Variants in CELSR1 observed in about 807,000 individuals in gnomAD.
CELSR1 encodes the protein adhesion G protein-coupled receptor C1.
Under a neutral mutation model 249.1 loss-of-function variants are expected in CELSR1, and 110 were observed. The observed-to-expected ratio is 0.44, with a 90% CI of 0.38 to 0.52. The LOEUF (loss-of-function observed/expected upper bound fraction) is 0.52. Among genes scored for constraint, CELSR1 ranks in the 20% least tolerant of loss-of-function variants. CELSR1 has a pLI of 0.00. For synonymous variants in CELSR1, 2,113 were observed against 1,900.0 expected (o/e 1.11, Z -2.92); for missense variants, 4,109 against 4,296.4 (o/e 0.96, Z 1.22).
intron 18 of CELSR1, among the ~76,000 whole-genome samples, chr22:46,389,015 C>T (rs2079060090): frequency 6.6e-6 from 1 of 152,244 alleles, no homozygotes; most frequent in South Asian, 2.1e-4. Context: ...CACTTAGAAT[C>T]CCTTAGAAGC....
chr22:46,386,598 A>G lies in CELSR1; in HGVS notation c.6556-13T>C. On this transcript the variant is annotated splice_polypyrimidine_tract_variant and intron_variant, in intron 18 of 34. Coordinates refer to ENST00000674500, the MANE Select transcript of CELSR1 (RefSeq NM_001378328.1). ...AGTGGATGACGTCCTGGTCAGACAG[A>G]CAGCACTCAGTACTCAGCCTGCGGA... 2 of 1,578,600 alleles carry G rather than the reference A, an allele frequency of 1.3e-6. No homozygotes were observed. Among genetic ancestry groups the G allele is most frequent in the Non-Finnish European group, 1.7e-6 (2 of 1,169,650 alleles).
chr22:46,506,706 C>A lies in CELSR1; in HGVS notation c.3544+26921G>T, dbSNP rs992924632. The stretch of plus-strand genomic sequence containing the variant: ...GTGACGCACAGCCGCTGAGACAAGC[C>A]CAAATCGAGAGTTACGTTCTAATTT... On this transcript the variant is annotated intron_variant, in intron 1 of 34. Transcript: ENST00000674500. The surrounding 1 kb of genome is among the most constrained non-coding windows in gnomAD (Gnocchi z 4.1). 5.8e-4 allele frequency among the ~76,000 whole-genome samples: 88 copies of A among 152,284 alleles called. No individual in the cohort carries two copies. Among genetic ancestry groups the A allele is most frequent in the African/African-American group, 2.1e-3 (87 of 41,550 alleles).
At chr22:46,491,641 T>TC (rs2080368735) in intron 1 of CELSR1, among the ~76,000 whole-genome samples, 1 of 126,614 alleles carries the variant, frequency 7.9e-6, no homozygotes, top group East Asian at 2.2e-4. Context: ...CTCTCTCTTT[T>TC]TTTTTTTTTT....
chr22:46,375,675 C>G (rs1275802058), intron 24 of CELSR1, among the ~76,000 whole-genome samples: 1 of 151,816 alleles, frequency 6.6e-6, no homozygotes, highest in Non-Finnish European at 1.5e-5. Context: ...TCCCAAGTAG[C>G]TGGGATTACA....
At chr22:46,478,892 C>G (rs565312027) in intron 1 of CELSR1, among the ~76,000 whole-genome samples, 2 of 151,970 alleles carry the variant, frequency 1.3e-5, no homozygotes, top group Admixed American at 6.6e-5. Context: ...CGAGCCCAAC[C>G]CAGCCCTGCA....
Position 46,409,963 on chromosome 22 carries a change from G to C in CELSR1, c.4934-83C>G. The C allele has an allele frequency of 1.3e-6, 2 of 1,564,478 alleles. No homozygotes were observed. Among genetic ancestry groups the C allele is most frequent in the Non-Finnish European group, 1.7e-6 (2 of 1,151,978 alleles). On this transcript the variant is annotated intron_variant, in intron 7 of 34. Transcript: ENST00000674500. The surrounding 1 kb of genome is among the most constrained non-coding windows in gnomAD (Gnocchi z 9.8). ...GCGCCAGACGTGGCGTGGGAAACCA[G>C]GACGGAATGGACCCGGGGCTGGACA...
At chr22:46,495,021 G>A (rs184638019) in intron 1 of CELSR1, among the ~76,000 whole-genome samples, 33 of 152,340 alleles carry the variant, frequency 2.2e-4, no homozygotes, top group Middle Eastern at 3.4e-3. Flanking sequence ...TGACTTCATC[G>A]TTGGGTGAAC....
Position 46,535,858 on chromosome 22 carries a change from G to T in CELSR1, c.1313C>A (p.Pro438Gln). The change falls in exon 1 of 35, where the codon CCG becomes CAG. Residue 438 changes from proline (P) to glutamine (Q), a missense_variant. Pro to Gln is a moderately conservative substitution (Grantham distance 76). Around this residue, in one of 7 missense-constraint regions of CELSR1, gnomAD observed 673 missense variants for 636.8 expected, o/e 1.06. Transcript: ENST00000674500. The part of the protein sequence containing the change: ...EANDQGRNPG[P>Q]LSATATVYIE... ...GTACACGGTGGCCGTGGCACTGAGC[G>T]GGCCCGGATTGCGCCCCTGGTCGTT... is the stretch of plus-strand genomic sequence containing the variant. 6.2e-7 allele frequency: 1 copy of T among 1,611,036 alleles called. No homozygotes were observed. The highest frequency in any genetic ancestry group is 2.2e-5 in the East Asian group (1 of 44,838).
intron 27 of CELSR1, among the ~76,000 whole-genome samples, chr22:46,368,395 G>A (rs2078811631): frequency 1.3e-5 from 2 of 151,982 alleles, no homozygotes; most frequent in Admixed American, 6.5e-5. Flanking sequence ...AACTGACAAG[G>A]CCCCAGACCC....
intron 1 of CELSR1, among the ~76,000 whole-genome samples, chr22:46,525,978 G>C (rs1391250690): frequency 6.6e-6 from 1 of 152,246 alleles, no homozygotes; most frequent in Non-Finnish European, 1.5e-5. Flanking sequence ...CTTGCCCGGA[G>C]TTTCACCTGC....
chr22:46,506,606 C>A lies in CELSR1; in HGVS notation c.3544+27021G>T, dbSNP rs901236867. On this transcript the variant is annotated intron_variant, in intron 1 of 34. Coordinates refer to ENST00000674500, the MANE Select transcript of CELSR1 (RefSeq NM_001378328.1). The surrounding 1 kb of genome is among the most constrained non-coding windows in gnomAD (Gnocchi z 4.1). ...TCTCACCCATTTCCAAGACCACTTC[C>A]TTAGGGTGATGTTTCTAGGACTTTC... 1.3e-5 allele frequency among the ~76,000 whole-genome samples: 2 copies of A among 152,222 alleles called. No individual in the cohort carries two copies. Among genetic ancestry groups the A allele is most frequent in the Admixed American group, 1.3e-4 (2 of 15,280 alleles).
At chr22:46,375,002 A>C (rs1407208382) in intron 24 of CELSR1, among the ~76,000 whole-genome samples, 1 of 151,914 alleles carries the variant, frequency 6.6e-6, no homozygotes, top group African/African-American at 2.4e-5. Context: ...CTGGTGCTCC[A>C]CCTACCACTG....
chr22:46,487,011 G>GC (rs2080319361), intron 1 of CELSR1, among the ~76,000 whole-genome samples: 1 of 145,362 alleles, frequency 6.9e-6, no homozygotes, highest in Non-Finnish European at 1.5e-5. Context: ...GTCTGCTCCC[G>GC]CCCCCTGCCC....
intron 33 of CELSR1, 77 bp from the exon 34 acceptor site, chr22:46,364,328 C>A: frequency 1.3e-6 from 2 of 1,561,090 alleles, no homozygotes; most frequent in Non-Finnish European, 8.6e-7. Flanking sequence ...TGCAGCTGAG[C>A]CAGCCTCAGC....
chr22:46,363,909 A>G lies in CELSR1; in HGVS notation c.9035+87T>C. 3 of 1,430,548 alleles carry G rather than the reference A, an allele frequency of 2.1e-6. No homozygotes were observed. The South Asian group carries it at 4.4e-5, about 21-fold the overall frequency. 88.6% of individuals were successfully genotyped at this position (1,430,548 alleles called of 1,614,324 possible). ...CAGGGCTCCAGGTGAGGTGGGTGTC[A>G]GGTCCCTGACCACTGCCCCCTCTCT... is the stretch of plus-strand genomic sequence containing the variant. On this transcript the variant is annotated intron_variant, in intron 34 of 34. Coordinates refer to ENST00000674500, the MANE Select transcript of CELSR1 (RefSeq NM_001378328.1). The surrounding 1 kb of genome is among the most constrained non-coding windows in gnomAD (Gnocchi z 4.3).
intron 1 of CELSR1, among the ~76,000 whole-genome samples, chr22:46,530,866 C>T (rs1465342632): frequency 6.6e-6 from 1 of 152,154 alleles, no homozygotes; most frequent in Admixed American, 6.6e-5. Context: ...GAATGGCTCC[C>T]ACTAAACGTA....
intron 9 of CELSR1, among the ~76,000 whole-genome samples, chr22:46,405,861 G>A (rs1434228789): frequency 6.6e-6 from 1 of 152,144 alleles, no homozygotes; most frequent in African/African-American, 2.4e-5. Context: ...ATAATGGCAA[G>A]GAGAAATCCC....
At chr22:46,469,568 T>G (rs1164381191) in intron 1 of CELSR1, among the ~76,000 whole-genome samples, 1 of 152,152 alleles carries the variant, frequency 6.6e-6, no homozygotes, top group East Asian at 1.9e-4. Flanking sequence ...CAGGCTGGAA[T>G]GCAATGATGC....
intron 1 of CELSR1, among the ~76,000 whole-genome samples, chr22:46,470,186 A>G (rs766882510): frequency 1.0e-4 from 15 of 150,116 alleles, no homozygotes; most frequent in South Asian, 2.1e-4. Context: ...GGCAGTTGTT[A>G]TGAAACATGC....
Sources: gnomAD v4.1 joint callset for allele counts (sites outside exome capture counted in the v4.1 genomes callset) on GRCh38, gnomAD v4.1.1 for gene constraint, gnomAD v4.1.1 regional missense constraint, Gnocchi (gnomAD v3.1) non-coding constraint, MANE v1.5 for transcripts, NCBI Gene and HGNC (gene_info 2026-07-23, HGNC 2026-07-21) for gene names.